KYNU: variants seen among roughly 807,000 people sequenced by gnomAD.
KYNU encodes kynureninase.
In KYNU, 54 loss-of-function variants were observed where a neutral mutation model predicts 59.2. The ratio of observed to expected loss-of-function variants is 0.91; its 90% confidence interval spans 0.73 to 1.14. KYNU has a LOEUF of 1.14. Ranked by LOEUF, KYNU falls within the 50% of genes most tolerant of loss-of-function variation. The pLI is 0.00. For missense variants in KYNU, 567 were observed against 554.4 expected (o/e 1.02, Z -0.23); for synonymous variants, 177 against 192.0 (o/e 0.92, Z 0.65).
chr2:143,040,307 G>A (rs781192732), intron 12 of KYNU, 121 bp from the exon 13 acceptor site: 21 of 710,698 alleles, frequency 3.0e-5, no homozygotes, highest in Non-Finnish European at 4.8e-5. Context: ...ATTATGTAAA[G>A]GGAGATATTT....
At chr2:142,900,356 G>T (rs1396550204) in intron 2 of KYNU, among the ~76,000 whole-genome samples, 1 of 152,198 alleles carries the variant, frequency 6.6e-6, no homozygotes, top group Non-Finnish European at 1.5e-5. Context: ...GACCAAAAGA[G>T]TGTGCAGTTG....
intron 4 of KYNU, among the ~76,000 whole-genome samples, chr2:142,942,511 G>A (rs1286992992): frequency 6.6e-6 from 1 of 152,282 alleles, no homozygotes; most frequent in South Asian, 2.1e-4. Context: ...GTAAAGAGTA[G>A]CAAAGGCCAA....
chr2:142,937,027 C>A (rs538156783), intron 4 of KYNU, among the ~76,000 whole-genome samples: 1 of 152,106 alleles, frequency 6.6e-6, no homozygotes, highest in Non-Finnish European at 1.5e-5. Flanking sequence ...CAAGTGAGGA[C>A]GGGATAAAGG....
intron 10 of KYNU, among the ~76,000 whole-genome samples, chr2:143,025,107 T>C (rs1686514947): frequency 6.6e-6 from 1 of 152,152 alleles, no homozygotes; most frequent in African/African-American, 2.4e-5. Context: ...CCTCCTATTG[T>C]TAAGATATGT....
In KYNU at chr2:143,054,305, T is replaced by G. The variant is rs529787429; in HGVS notation, c.*12133T>G. On this transcript the variant is annotated 3_prime_UTR_variant, in exon 14 of 14. Transcript: ENST00000264170. ...TTACATAATAGAGCTATAAAGGCAA[T>G]TCACAATTCTCTCTTTTCTCATATA... 6.6e-6 allele frequency: 1 copy of G among 152,274 alleles called. No homozygotes were observed. The highest frequency in any genetic ancestry group is 1.9e-4 in the East Asian group (1 of 5,190). 9.4% of individuals were successfully genotyped at this position (152,274 alleles called of 1,614,324 possible).
intron 4 of KYNU, among the ~76,000 whole-genome samples, chr2:142,935,069 C>T (rs1683342544): frequency 6.6e-6 from 1 of 152,140 alleles, no homozygotes; most frequent in Non-Finnish European, 1.5e-5. Flanking sequence ...TTGTTAAAGA[C>T]TTTGAAGGCT....
intron 10 of KYNU, chr2:142,988,929 G>C: frequency 6.5e-7 from 1 of 1,534,812 alleles, no homozygotes; most frequent in Non-Finnish European, 9.0e-7. Context: ...TCACTTCATT[G>C]TCCCTGATAG....
intron 10 of KYNU, among the ~76,000 whole-genome samples, chr2:143,013,298 C>CTCTCTCTCTGTGTGTGTGTGTG (rs72349700): frequency 6.7e-6 from 1 of 149,468 alleles, no homozygotes; most frequent in African/African-American, 2.5e-5. Context: ...GTCTCTTTCT[C>CTCTCTCTCTGTGTGTGTGTGTG]TGTGTGTGTG....
intron 2 of KYNU, among the ~76,000 whole-genome samples, chr2:142,897,061 T>G (rs1681902448): frequency 6.6e-6 from 1 of 152,268 alleles, no homozygotes; most frequent in South Asian, 2.1e-4. Context: ...TTCCAAGTAT[T>G]TGAACATTTC....
chr2:142,899,130 G>T (rs1269712933), intron 2 of KYNU, among the ~76,000 whole-genome samples: 1 of 152,104 alleles, frequency 6.6e-6, no homozygotes, highest in African/African-American at 2.4e-5. Context: ...CAAAAGCTCA[G>T]CTCAAGCCGT....
At chr2:142,884,464 G>T (rs368404507) in intron 1 of KYNU, among the ~76,000 whole-genome samples, 1 of 152,150 alleles carries the variant, frequency 6.6e-6, no homozygotes, top group African/African-American at 2.4e-5. Flanking sequence ...GCTGCTTTTC[G>T]ACACTTTGAC....
intron 4 of KYNU, among the ~76,000 whole-genome samples, chr2:142,934,372 G>C (rs559430280): frequency 6.2e-4 from 95 of 152,272 alleles, no homozygotes; most frequent in African/African-American, 2.2e-3. Flanking sequence ...TGGAGGAGTA[G>C]AAGAAAGTTA....
At chr2:143,000,261 A>T (rs1442744030) in intron 10 of KYNU, among the ~76,000 whole-genome samples, 1 of 152,184 alleles carries the variant, frequency 6.6e-6, no homozygotes, top group Admixed American at 6.5e-5. Flanking sequence ...TGACCACTGA[A>T]TTCAATGATA....
intron 4 of KYNU, among the ~76,000 whole-genome samples, chr2:142,931,810 T>G (rs748795777): frequency 2.0e-5 from 3 of 152,144 alleles, no homozygotes; most frequent in Non-Finnish European, 4.4e-5. Context: ...TACTTCATAT[T>G]TAGAGATGTA....
intron 10 of KYNU, among the ~76,000 whole-genome samples, chr2:143,021,407 G>GT (rs1316695881): frequency 3.9e-5 from 6 of 152,080 alleles, no homozygotes; most frequent in African/African-American, 1.4e-4. Context: ...TTTTACTGGT[G>GT]TGTTAGGCTT....
At chr2:142,951,175 G>T (rs562295458) in intron 4 of KYNU, among the ~76,000 whole-genome samples, 1 of 152,194 alleles carries the variant, frequency 6.6e-6, no homozygotes, top group Non-Finnish European at 1.5e-5. Flanking sequence ...GACATGAGGT[G>T]AGCACATTCT....
At chr2:142,992,531 C>T (rs1193701069) in intron 10 of KYNU, among the ~76,000 whole-genome samples, 3 of 151,676 alleles carry the variant, frequency 2.0e-5, no homozygotes, top group Non-Finnish European at 2.9e-5. Flanking sequence ...AAACCTTCTG[C>T]CATTGACTTT....
rs181656765 is a variant in KYNU at position 142,936,473 on chromosome 2, G to A, written c.373+8732G>A. Reference sequence around the variant, plus strand: ...TAGAGGACCAAGAATTTCCCATAACGGAGGGTAGGCATGGGAGAACAGAGA... The same window carrying A: ...TAGAGGACCAAGAATTTCCCATAACAGAGGGTAGGCATGGGAGAACAGAGA... On this transcript the variant is annotated intron_variant, in intron 4 of 13. Coordinates refer to ENST00000264170, the MANE Select transcript of KYNU (RefSeq NM_003937.3). Among the ~76,000 whole-genome samples, 19 of 152,284 alleles carry A rather than the reference G, an allele frequency of 1.2e-4. No individual in the cohort carries two copies. The East Asian group carries it at 1.5e-3, about 12-fold the overall frequency.
chr2:142,947,121 A>C, intron 4 of KYNU: 2 of 1,551,026 alleles, frequency 1.3e-6, no homozygotes, highest in Non-Finnish European at 1.7e-6. Context: ...ACCCTTACAG[A>C]CCCCCAACAC....
Sources: allele counts gnomAD v4.1 joint callset (sites outside exome capture counted in the v4.1 genomes callset), GRCh38; gene constraint gnomAD v4.1.1; transcripts MANE v1.5; gene names NCBI Gene and HGNC (gene_info 2026-07-23, HGNC 2026-07-21).